Variants in PXDNL observed in about 807,000 individuals in gnomAD.
PXDNL encodes the protein peroxidasin like.
Under a neutral mutation model 150.8 loss-of-function variants are expected in PXDNL, and 145 were observed. That is an observed-to-expected ratio of 0.96 (90% CI 0.84 to 1.10). The LOEUF is 1.10. Among genes scored for constraint, PXDNL ranks in the 50% least tolerant of loss-of-function variants. The probability of loss-of-function intolerance (pLI) is 0.00; values close to 1 mark genes in which losing one functional copy is unlikely to be tolerated. For synonymous variants in PXDNL, 757 were observed against 725.7 expected, an observed-to-expected ratio of 1.04 and a Z score of -0.69; for missense variants, 2,087 against 1,873.9, an observed-to-expected ratio of 1.11 and a Z score of -2.10.
intron 21 of PXDNL, among the ~76,000 whole-genome samples, chr8:51,333,216 G>A (rs1366120012): frequency 6.6e-6 from 1 of 152,128 alleles, no homozygotes; most frequent in Non-Finnish European, 1.5e-5. Flanking sequence ...CTTCAGCCAA[G>A]AATTTTGTAA....
At chr8:51,556,818 TA>T (rs770956679) in intron 4 of PXDNL, 21 bp downstream of exon 4, 24 of 1,324,574 alleles carry the variant, frequency 1.8e-5, no homozygotes, top group East Asian at 1.6e-4. Flanking sequence ...AGTGATTTAA[TA>T]AAAAAGTTTC....
chr8:51,574,004 C>A (rs1385226143), intron 3 of PXDNL, among the ~76,000 whole-genome samples: 1 of 151,740 alleles, frequency 6.6e-6, no homozygotes, highest in African/African-American at 2.4e-5. Context: ...TAGAAGAGAC[C>A]AAAATTACAT....
intron 4 of PXDNL, among the ~76,000 whole-genome samples, chr8:51,549,840 A>G (rs995904320): frequency 6.6e-6 from 1 of 152,172 alleles, no homozygotes; most frequent in Non-Finnish European, 1.5e-5. Flanking sequence ...ATCAGAGCAG[A>G]ACTAAATGAA....
At chr8:51,634,570 G>C (rs1814564355) in intron 2 of PXDNL, among the ~76,000 whole-genome samples, 1 of 152,118 alleles carries the variant, frequency 6.6e-6, no homozygotes, top group African/African-American at 2.4e-5. Context: ...TCTTTGGGCA[G>C]TGTGGCCATT....
intron 2 of PXDNL, among the ~76,000 whole-genome samples, chr8:51,638,033 T>C (rs1364285085): frequency 1.3e-5 from 2 of 152,216 alleles, no homozygotes; most frequent in African/African-American, 4.8e-5. Context: ...CAGAAGAGAC[T>C]GGCGGCGAAT....
intron 1 of PXDNL, among the ~76,000 whole-genome samples, chr8:51,695,037 G>C (rs992065856): frequency 3.3e-5 from 5 of 152,214 alleles, no homozygotes; most frequent in African/African-American, 1.2e-4. Context: ...GTGAGGCCAT[G>C]TGCATAACTA....
chr8:51,794,926 C>T (rs1309896531), intron 1 of PXDNL, among the ~76,000 whole-genome samples: 4 of 152,030 alleles, frequency 2.6e-5, no homozygotes, highest in Non-Finnish European at 5.9e-5. Flanking sequence ...CTCGTGCAGA[C>T]ACAGATAGGC....
intron 3 of PXDNL, among the ~76,000 whole-genome samples, chr8:51,586,978 T>C (rs1050210559): frequency 6.6e-6 from 1 of 152,196 alleles, no homozygotes; most frequent in Non-Finnish European, 1.5e-5. Context: ...ATCGTAAACA[T>C]GCACAGAGAT....
intron 4 of PXDNL, among the ~76,000 whole-genome samples, chr8:51,535,291 G>GA (rs1268236062): frequency 1.9e-5 from 2 of 107,546 alleles, no homozygotes; most frequent in African/African-American, 5.1e-5. Flanking sequence ...GAAGGGTGGG[G>GA]AAAAAATTGA....
chr8:51,440,573 T>C (rs909940896), intron 12 of PXDNL, among the ~76,000 whole-genome samples: 42 of 152,194 alleles, frequency 2.8e-4, no homozygotes, highest in African/African-American at 9.9e-4. Flanking sequence ...CACAACACTC[T>C]ACATAGCTCA....
intron 3 of PXDNL, among the ~76,000 whole-genome samples, chr8:51,582,532 T>C (rs893899147): frequency 1.5e-4 from 23 of 152,320 alleles, no homozygotes; most frequent in Non-Finnish European, 3.1e-4. Flanking sequence ...TTCAGGGTCA[T>C]AGAGTTCTTT....
intron 2 of PXDNL, among the ~76,000 whole-genome samples, chr8:51,646,945 C>T (rs1444623302): frequency 6.6e-6 from 1 of 151,930 alleles, no homozygotes; most frequent in Non-Finnish European, 1.5e-5. Context: ...GAGAGAGAGC[C>T]GATGGCCTGG....
intron 4 of PXDNL, among the ~76,000 whole-genome samples, chr8:51,539,878 T>C (rs1003947974): frequency 6.6e-6 from 1 of 152,084 alleles, no homozygotes; most frequent in African/African-American, 2.4e-5. Flanking sequence ...ATATTATTAC[T>C]CTTCTCAGCT....
At chr8:51,710,624 A>G (rs573032620) in intron 1 of PXDNL, among the ~76,000 whole-genome samples, 4 of 152,308 alleles carry the variant, frequency 2.6e-5, no homozygotes, top group Non-Finnish European at 5.9e-5. Flanking sequence ...GGTAGCCGCC[A>G]TTCTGCTCTC....
intron 5 of PXDNL, among the ~76,000 whole-genome samples, chr8:51,491,634 C>A (rs1585519573): frequency 6.6e-6 from 1 of 152,310 alleles, no homozygotes; most frequent in African/African-American, 2.4e-5. Context: ...GGCTTCCACA[C>A]CTCCCCAGGC....
chr8:51,537,349 C>A (rs1387742558), intron 4 of PXDNL, among the ~76,000 whole-genome samples: 1 of 152,202 alleles, frequency 6.6e-6, no homozygotes, highest in Non-Finnish European at 1.5e-5. Context: ...TCCACCTATC[C>A]TCTTAAAACA....
At chr8:51,711,711 A>G (rs895197615) in intron 1 of PXDNL, among the ~76,000 whole-genome samples, 1 of 152,278 alleles carries the variant, frequency 6.6e-6, no homozygotes, top group Admixed American at 6.5e-5. Context: ...ACAATTTCCA[A>G]ATGGAAATGC....
chr8:51,499,762 T>A lies in PXDNL; in HGVS notation c.389A>T (p.His130Leu). The change falls in exon 5 of 23, where the codon CAT (histidine) becomes CTT (leucine). Residue 130 changes from histidine to leucine, a missense_variant. By Grantham distance (99) the His-to-Leu change is moderately conservative. Coordinates refer to ENST00000356297, the MANE Select transcript of PXDNL (RefSeq NM_144651.5). ...GLISLEHLYI[H>L]FNQLEMLQPE... ...CTGTAGCATTTCTAGTTGGTTGAAA[T>A]GAATATACCTGGAAGGCAAAAAATC... 6.2e-7 allele frequency: 1 copy of A among 1,612,674 alleles called. No individual in the cohort carries two copies.
At chr8:51,425,843 T>G (rs1211537038) in intron 13 of PXDNL, among the ~76,000 whole-genome samples, 1 of 151,698 alleles carries the variant, frequency 6.6e-6, no homozygotes, top group Non-Finnish European at 1.5e-5. Flanking sequence ...ACAAAAAAAT[T>G]CAGACTACTG....
Sources: allele counts gnomAD v4.1 joint callset (sites outside exome capture counted in the v4.1 genomes callset), GRCh38; gene constraint gnomAD v4.1.1; transcripts MANE v1.5; gene names NCBI Gene and HGNC (gene_info 2026-07-23, HGNC 2026-07-21).